UNC79: variants seen among roughly 807,000 people sequenced by gnomAD.
UNC79 encodes protein unc-79 homolog.
A neutral mutation model predicts 283.1 loss-of-function variants in UNC79; 37 were observed. The ratio of observed to expected loss-of-function variants is 0.13; its 90% confidence interval spans 0.10 to 0.17. The LOEUF is 0.17. UNC79 is among the 10% of genes least tolerant of loss of function. UNC79 has a pLI of 1.00. For missense variants in UNC79, 2,272 were observed against 3,211.1 expected (o/e 0.71, Z 7.07); for synonymous variants, 1,107 against 1,200.2 (o/e 0.92, Z 1.61).
At chr14:93,681,738 T>G (rs2073861820) in intron 41 of UNC79, among the ~76,000 whole-genome samples, 1 of 152,214 alleles carries the variant, frequency 6.6e-6, no homozygotes, top group Admixed American at 6.5e-5. Context: ...ACCTAATTGC[T>G]CATAGCCAAC....
chr14:93,489,854 T>C (rs2058638816), intron 5 of UNC79, among the ~76,000 whole-genome samples: 1 of 152,152 alleles, frequency 6.6e-6, no homozygotes, highest in Non-Finnish European at 1.5e-5. Context: ...GCCCCCACAG[T>C]GGTTCCCTTC....
chr14:93,686,813 G>T, intron 43 of UNC79, 152 bp downstream of exon 46: 1 of 780,398 alleles, frequency 1.3e-6, no homozygotes, highest in Non-Finnish European at 2.0e-6. Context: ...AAGAGCCAGG[G>T]TCCAGCTTTG....
chr14:93,442,838 C>T (rs2056346083), intron 1 of UNC79, among the ~76,000 whole-genome samples: 1 of 152,182 alleles, frequency 6.6e-6, no homozygotes, highest in Non-Finnish European at 1.5e-5. Context: ...CCTGTAATCT[C>T]AGCACTTTGG....
At chr14:93,475,477 T>C (rs917969983) in intron 3 of UNC79, among the ~76,000 whole-genome samples, 1 of 152,246 alleles carries the variant, frequency 6.6e-6, no homozygotes, top group Admixed American at 6.5e-5. Flanking sequence ...TGTTTTTTCT[T>C]ACATTTACAA....
intron 24 of UNC79, among the ~76,000 whole-genome samples, chr14:93,599,972 A>T (rs894271513): frequency 2.6e-5 from 4 of 151,764 alleles, no homozygotes; most frequent in Admixed American, 6.6e-5. Context: ...GAGGCCAAGG[A>T]GGGCAGATCA....
intron 7 of UNC79, among the ~76,000 whole-genome samples, chr14:93,502,351 T>C (rs577236532): frequency 7.2e-5 from 11 of 152,246 alleles, no homozygotes; most frequent in African/African-American, 2.6e-4. Flanking sequence ...AGGCGGAGTT[T>C]GCAGTGAGCT....
chr14:93,682,585 T>TA, intron 41 of UNC79, 32 bp from the exon 45 acceptor site: 1 of 1,584,824 alleles, frequency 6.3e-7, no homozygotes, highest in South Asian at 1.1e-5. Flanking sequence ...CAGATACCCT[T>TA]AAAAATAATT....
chr14:93,639,071 A>C (rs747351889), intron 32 of UNC79, among the ~76,000 whole-genome samples: 4 of 152,214 alleles, frequency 2.6e-5, no homozygotes, highest in Non-Finnish European at 5.9e-5. Context: ...TGTATTAGGC[A>C]ATAATTAGTT....
At chr14:93,664,055 A>G (rs2071893139) in intron 40 of UNC79, among the ~76,000 whole-genome samples, 1 of 152,158 alleles carries the variant, frequency 6.6e-6, no homozygotes, top group South Asian at 2.1e-4. Flanking sequence ...TTTACTTCCC[A>G]TTATCATCTA....
At chr14:93,652,680 G>A (rs560570840) in intron 35 of UNC79, among the ~76,000 whole-genome samples, 23 of 152,226 alleles carry the variant, frequency 1.5e-4, no homozygotes, top group African/African-American at 4.8e-4. Context: ...GCTGATTTTT[G>A]AGTATTAAAC....
At chr14:93,393,278 A>C (rs1248935830) in intron 1 of UNC79, among the ~76,000 whole-genome samples, 1 of 152,228 alleles carries the variant, frequency 6.6e-6, no homozygotes, top group Non-Finnish European at 1.5e-5. Flanking sequence ...AAAAGTTTGG[A>C]GGGGACATTC....
chr14:93,639,573 T>A (rs2068832991), intron 32 of UNC79, among the ~76,000 whole-genome samples: 1 of 152,230 alleles, frequency 6.6e-6, no homozygotes, highest in African/African-American at 2.4e-5. Context: ...GGATGTTATC[T>A]TGGATATAGC....
chr14:93,532,683 G>C, intron 11 of UNC79, 105 bp downstream of exon 11: 1 of 1,347,072 alleles, frequency 7.4e-7, no homozygotes, highest in Non-Finnish European at 1.0e-6. Flanking sequence ...TCCAGTATAT[G>C]CATGCCATTG....
chr14:93,568,370 T>G (rs2063020075), intron 14 of UNC79, among the ~76,000 whole-genome samples: 1 of 151,782 alleles, frequency 6.6e-6, no homozygotes, highest in South Asian at 2.1e-4. Flanking sequence ...TTTCAAAAAG[T>G]GATATAAAAC....
chr14:93,384,752 G>A (rs544563325), intron 1 of UNC79, among the ~76,000 whole-genome samples: 16 of 151,904 alleles, frequency 1.1e-4, no homozygotes, highest in Non-Finnish European at 1.8e-4. Context: ...GTGCCTGTGG[G>A]ACATCACTTA....
rs940610855 is a variant in UNC79 at position 93,430,777 on chromosome 14, G to C, written c.-253G>C. On this transcript the variant is annotated 5_prime_UTR_variant, in exon 1 of 49. Coordinates refer to ENST00000555664, the Ensembl canonical transcript of UNC79. This position sits in a 1 kb window ranked among gnomAD's most constrained non-coding sequence, Gnocchi z 4.6. ...AACGCGGGCAGCTCCAGGAGGGGACGGACAGGAAGCCTTTGGCCGCCTATT... is the reference window on the plus strand; with the variant it reads ...AACGCGGGCAGCTCCAGGAGGGGACCGACAGGAAGCCTTTGGCCGCCTATT... 2.3e-6 allele frequency: 1 copy of C among 437,210 alleles called. No homozygotes were observed. Among genetic ancestry groups the C allele is most frequent in the Non-Finnish European group, 4.2e-6 (1 of 236,032 alleles). 27.1% of individuals were successfully genotyped at this position (437,210 alleles called of 1,614,324 possible). A position where few individuals can be genotyped will look rare whatever the true frequency, so the allele number is the denominator to read the frequency against.
intron 14 of UNC79, among the ~76,000 whole-genome samples, chr14:93,567,679 T>A (rs1156626072): frequency 6.6e-6 from 1 of 152,252 alleles, no homozygotes; most frequent in African/African-American, 2.4e-5. Context: ...TTGCATTTAA[T>A]TCGGCTGAAG....
exon 46 of UNC79, chr14:93,691,889 A>T (rs137872709): frequency 5.8e-5 from 93 of 1,614,114 alleles, no homozygotes; most frequent in Non-Finnish European, 7.5e-5. Context: ...TGACAGCACT[A>T]GAATTTTGGA....
intron 1 of UNC79, among the ~76,000 whole-genome samples, chr14:93,467,121 G>A (rs1475930327): frequency 6.6e-6 from 1 of 152,108 alleles, no homozygotes; most frequent in Non-Finnish European, 1.5e-5. Flanking sequence ...CACAGCTAAA[G>A]CATTTACTAA....
Sources: gnomAD v4.1 joint callset for allele counts (sites outside exome capture counted in the v4.1 genomes callset) on GRCh38, gnomAD v4.1.1 for gene constraint, Gnocchi (gnomAD v3.1) non-coding constraint, MANE v1.5 for transcripts, NCBI Gene and HGNC (gene_info 2026-07-23, HGNC 2026-07-21) for gene names.